SNED1: variants seen among roughly 807,000 people sequenced by gnomAD.
SNED1 encodes sushi, nidogen and EGF-like domain-containing protein 1.
Under a neutral mutation model 166.7 loss-of-function variants are expected in SNED1, and 81 were observed. That is an observed-to-expected ratio of 0.49 (90% CI 0.41 to 0.58). The LOEUF (loss-of-function observed/expected upper bound fraction) is 0.58, where lower values mean the gene tolerates loss of function less well. SNED1 is among the 20% of genes least tolerant of loss of function. SNED1 has a pLI of 0.00. For missense variants in SNED1, 1,604 were observed against 2,000.2 expected (o/e 0.80, Z 3.78); for synonymous variants, 762 against 822.0 (o/e 0.93, Z 1.25).
At chr2:241,010,939 G>C (rs901679619) in intron 1 of SNED1, among the ~76,000 whole-genome samples, 34 of 152,190 alleles carry the variant, frequency 2.2e-4, no homozygotes, top group Non-Finnish European at 5.0e-4. Flanking sequence ...GCCACGGGGA[G>C]GCCCTGGACG....
chr2:241,041,619 A>C (rs532960776), intron 8 of SNED1, among the ~76,000 whole-genome samples: 5 of 152,260 alleles, frequency 3.3e-5, no homozygotes, highest in South Asian at 4.1e-4. Context: ...CGGGAGGCAG[A>C]GGTTGCAGTG....
At position 240,999,529 on chromosome 2, in the gene SNED1, T is replaced by TG. The variant is rs1286922538; in HGVS notation, c.213+481dup. ...CCAGTGCGGCCCAGAGCCAGGAGGC[T>TG]GGACCCCTTGCCCAGGCGCTCAGGG... On this transcript the variant is annotated intron_variant, in intron 1 of 31. Transcript: ENST00000310397. The surrounding 1 kb of genome is among the most constrained non-coding windows in gnomAD (Gnocchi z 5.8). Among the ~76,000 whole-genome samples the TG allele has an allele frequency of 6.6e-6, 1 of 152,194 alleles. No individual in the cohort carries two copies. Among genetic ancestry groups the TG allele is most frequent in the Non-Finnish European group, 1.5e-5 (1 of 67,998 alleles).
At chr2:241,058,735 G>A (rs1297187503) in intron 16 of SNED1, among the ~76,000 whole-genome samples, 4 of 152,190 alleles carry the variant, frequency 2.6e-5, no homozygotes, top group Admixed American at 6.5e-5. Flanking sequence ...CACATCACAA[G>A]GTCAGGAGAT....
At chr2:241,071,059 C>T (rs968702753) in intron 24 of SNED1, among the ~76,000 whole-genome samples, 5 of 152,150 alleles carry the variant, frequency 3.3e-5, no homozygotes, top group East Asian at 3.9e-4. Flanking sequence ...CTCTGTGAGC[C>T]GGCGTCAGAG....
chr2:241,007,724 A>G (rs1196385838), intron 1 of SNED1, among the ~76,000 whole-genome samples: 1 of 152,184 alleles, frequency 6.6e-6, no homozygotes, highest in Admixed American at 6.5e-5. Context: ...ATTTCTTTCA[A>G]TGTTACGCCA....
intron 2 of SNED1, 82 bp from the exon 3 acceptor site, chr2:241,033,651 CAG>C (rs1291514158): frequency 1.1e-5 from 16 of 1,434,798 alleles, no homozygotes; most frequent in Non-Finnish European, 1.5e-5. Context: ...TGGACAATGA[CAG>C]TGCACCAGGA....
In SNED1 at chr2:241,062,885, G is replaced by A. The variant is rs202212611; in HGVS notation, c.2352G>A (p.Glu784=). 108 of 1,605,228 alleles carry A rather than the reference G, an allele frequency of 6.7e-5. No homozygotes were observed. Among genetic ancestry groups the A allele is most frequent in the Non-Finnish European group, 8.8e-5 (103 of 1,176,810 alleles). ...TGTGCCTCTGCAGCACAGGCTATGA[G>A]GGCGCCCACTGTGAGCTGGGTAAGA... is the stretch of plus-strand genomic sequence containing the variant. The part of the protein sequence containing the change: ...GYLCLCSTGY[E]GAHCELERDE... The change falls in exon 17 of 32, where the codon GAG becomes GAA. Residue 784 remains glutamate (E), a synonymous_variant. Transcript: ENST00000310397.
chr2:241,019,465 C>T (rs756996418), intron 1 of SNED1, among the ~76,000 whole-genome samples: 7 of 152,186 alleles, frequency 4.6e-5, no homozygotes, highest in Non-Finnish European at 1.0e-4. Context: ...ACCTGGAGAG[C>T]GGAGACCCCA....
chr2:241,030,997 G>A (rs968158609), intron 2 of SNED1, among the ~76,000 whole-genome samples: 12 of 152,116 alleles, frequency 7.9e-5, no homozygotes, highest in South Asian at 2.1e-4. Context: ...ACTCCCTAAC[G>A]AGGACACCTG....
Position 241,032,377 on chromosome 2 carries a change from A to G in SNED1, c.502-1358A>G, listed in dbSNP as rs1347370290. ...ATAAAAAAAAAAAATCTACACGTTC[A>G]TACTCGGAGCCACATTTAGAAGTGC... On this transcript the variant is annotated intron_variant, in intron 2 of 31. Coordinates refer to ENST00000310397, the MANE Select transcript of SNED1 (RefSeq NM_001080437.3). Among the ~76,000 whole-genome samples, 4 of 151,548 alleles carry G rather than the reference A, an allele frequency of 2.6e-5. No individual in the cohort carries two copies. In the South Asian group the frequency reaches 8.3e-4, roughly 32 times the overall value.
At chr2:241,040,263 T>A (rs1574961458) in intron 7 of SNED1, 37 bp from the exon 8 acceptor site, 2 of 1,575,138 alleles carry the variant, frequency 1.3e-6, no homozygotes, top group East Asian at 4.7e-5. Context: ...GGTTGTGGCC[T>A]GGCTCAAGCC....
intron 14 of SNED1, 77 bp downstream of exon 14, chr2:241,052,234 A>T (rs2061865577): frequency 6.7e-7 from 1 of 1,481,630 alleles, no homozygotes; most frequent in Non-Finnish European, 9.4e-7. Context: ...GCCCATGGGC[A>T]GGGCTGGTCC....
At position 241,013,335 on chromosome 2, in the gene SNED1, C is replaced by T. The variant is rs2060473889; in HGVS notation, c.213+14285C>T. ...ATTTATTTTATTTGAGAGACAGGGT[C>T]TCACTCTGTCACCAGGCTGGAGTGC... On this transcript the variant is annotated intron_variant, in intron 1 of 31. Transcript: ENST00000310397. The surrounding 1 kb of genome is among the most constrained non-coding windows in gnomAD (Gnocchi z 4.6). Among the ~76,000 whole-genome samples, 1 of 151,724 alleles carries T rather than the reference C, an allele frequency of 6.6e-6. No individual in the cohort carries two copies. Among genetic ancestry groups the T allele is most frequent in the Non-Finnish European group, 1.5e-5 (1 of 67,932 alleles).
In SNED1 at chr2:241,071,572, G is replaced by A; in HGVS notation, c.3590-4G>A. 6.3e-7 allele frequency: 1 copy of A among 1,580,700 alleles called. No individual in the cohort carries two copies. The highest frequency in any genetic ancestry group is 1.3e-5 in the African/African-American group (1 of 74,598). ...CCAGCCCCTTCCTCCTGCCTGCTCT[G>A]CAGCCCCCAGGGATGGCGCTGACAG... On this transcript the variant is annotated splice_polypyrimidine_tract_variant and splice_region_variant and intron_variant, in intron 24 of 31. Transcript: ENST00000310397.
rs371823470 is a variant in SNED1, at chr2:241,073,384, G to C, written c.3916+20G>C. ...TCGGAAGTGAGTCAGCAGCGCTGGT[G>C]GGGACTTTGGGACTGACTGACTGCT... On this transcript the variant is annotated intron_variant, in intron 27 of 31. Transcript: ENST00000310397. This position sits in a 1 kb window ranked among gnomAD's most constrained non-coding sequence, Gnocchi z 6.6. 110 of 1,543,656 alleles carry C rather than the reference G, an allele frequency of 7.1e-5. No individual in the cohort carries two copies. Among genetic ancestry groups the C allele is most frequent in the Middle Eastern group, 1.7e-4 (1 of 5,996 alleles).
intron 1 of SNED1, among the ~76,000 whole-genome samples, chr2:241,004,509 T>C (rs1428414549): frequency 2.0e-5 from 3 of 150,122 alleles, no homozygotes; most frequent in African/African-American, 7.4e-5. Flanking sequence ...ACTATTGGCT[T>C]ATTACCTACA....
chr2:241,028,665 C>T (rs2061060470), intron 1 of SNED1, among the ~76,000 whole-genome samples: 1 of 152,216 alleles, frequency 6.6e-6, no homozygotes, highest in Non-Finnish European at 1.5e-5. Context: ...TATGCCAGTA[C>T]CACACTGATT....
At chr2:241,001,409 G>A (rs146017280) in intron 1 of SNED1, among the ~76,000 whole-genome samples, 150 of 152,382 alleles carry the variant, frequency 9.8e-4, no homozygotes, top group Non-Finnish European at 1.7e-3. Flanking sequence ...CCCCTTTCCA[G>A]AAGGGACCCA....
intron 11 of SNED1, 49 bp from the exon 12 acceptor site, chr2:241,049,768 C>A: frequency 6.8e-7 from 1 of 1,465,598 alleles, no homozygotes; most frequent in Non-Finnish European, 9.5e-7. Flanking sequence ...TTGCCGCCCG[C>A]ACAGATGCGG....
Sources: allele counts gnomAD v4.1 joint callset (sites outside exome capture counted in the v4.1 genomes callset), GRCh38; gene constraint gnomAD v4.1.1; non-coding constraint Gnocchi (gnomAD v3.1); transcripts MANE v1.5; gene names NCBI Gene and HGNC (gene_info 2026-07-23, HGNC 2026-07-21).